MOXD1: variants seen among roughly 807,000 people sequenced by gnomAD.
The protein encoded by MOXD1 is monooxygenase DBH like 1.
A neutral mutation model predicts 66.6 loss-of-function variants in MOXD1; 62 were observed. The observed-to-expected ratio is 0.93, with a 90% CI of 0.76 to 1.15. The LOEUF is 1.15. Ranked by LOEUF, MOXD1 falls within the 50% of genes most tolerant of loss-of-function variation. MOXD1 has a pLI of 0.00. For synonymous variants in MOXD1, 303 were observed against 281.9 expected, an observed-to-expected ratio of 1.07 and a Z score of -0.75; for missense variants, 847 against 754.6, an observed-to-expected ratio of 1.12 and a Z score of -1.44.
At chr6:132,330,569 T>A (rs1344705046) in intron 4 of MOXD1, among the ~76,000 whole-genome samples, 1 of 152,110 alleles carries the variant, frequency 6.6e-6, no homozygotes, top group Admixed American at 6.5e-5. Context: ...CCCCTCAGAG[T>A]TCTTGGAATC....
chr6:132,363,994 C>T (rs1267768513), intron 4 of MOXD1, among the ~76,000 whole-genome samples: 2 of 151,820 alleles, frequency 1.3e-5, no homozygotes, highest in African/African-American at 4.8e-5. Flanking sequence ...AACTTTTGTA[C>T]TACCTGAAAA....
chr6:132,328,864 A>T (rs941853738), intron 4 of MOXD1, among the ~76,000 whole-genome samples: 1 of 152,086 alleles, frequency 6.6e-6, no homozygotes, highest in African/African-American at 2.4e-5. Flanking sequence ...TTGGTTGTTA[A>T]TTCACTGTCC....
rs186189822 is a variant in MOXD1 at position 132,388,516 on chromosome 6, C to T, written c.264+12647G>A. On this transcript the variant is annotated intron_variant, in intron 1 of 11. Coordinates refer to ENST00000367963, the MANE Select transcript of MOXD1 (RefSeq NM_015529.4). ...GTCATCAACTTGCAAATGTTCCTTCCATACTCTAATAAGATACTAATTATC... is the reference window on the plus strand; with the variant it reads ...GTCATCAACTTGCAAATGTTCCTTCTATACTCTAATAAGATACTAATTATC... Among the ~76,000 whole-genome samples the T allele has an allele frequency of 5.4e-4, 82 of 151,480 alleles. 3 individuals carry two copies. The highest frequency in any genetic ancestry group is 1.2e-3 in the Non-Finnish European group (78 of 67,684).
At chr6:132,366,467 C>T (rs1390106209) in intron 4 of MOXD1, among the ~76,000 whole-genome samples, 2 of 151,856 alleles carry the variant, frequency 1.3e-5, no homozygotes, top group African/African-American at 2.4e-5. Flanking sequence ...CAAATGCAGG[C>T]TGACAACAAA....
chr6:132,300,006 T>G (rs1774496721), intron 10 of MOXD1, among the ~76,000 whole-genome samples: 1 of 152,134 alleles, frequency 6.6e-6, no homozygotes, highest in South Asian at 2.1e-4. Context: ...AAAGATAATT[T>G]TTTATGTCTA....
chr6:132,328,287 T>G, intron 5 of MOXD1, 128 bp downstream of exon 5: 2 of 1,301,720 alleles, frequency 1.5e-6, no homozygotes, highest in Non-Finnish European at 2.1e-6. Context: ...CCTACGAAAA[T>G]GGAGTTAAGC....
intron 4 of MOXD1, among the ~76,000 whole-genome samples, chr6:132,350,155 T>C (rs1410002145): frequency 1.3e-5 from 2 of 152,252 alleles, no homozygotes; most frequent in East Asian, 3.8e-4. Context: ...TATCTTTGTT[T>C]TTATTGCATT....
Position 132,349,436 on chromosome 6 carries a change from CATATATATATATAT to C in MOXD1, c.664-20856_664-20843del, listed in dbSNP as rs1306974766. 4.6e-4 allele frequency among the ~76,000 whole-genome samples: 8 copies of C among 17,320 alleles called. 1 individual carries two copies. Among genetic ancestry groups the C allele is most frequent in the South Asian group, 7.3e-3 (2 of 274 alleles). 11.4% of individuals were successfully genotyped at this position (17,320 alleles called of 152,430 possible). On this transcript the variant is annotated intron_variant, in intron 4 of 11. Transcript: ENST00000367963. ...ATATATATATACATATATATATATACATATATATATATATACATATATATATATACATATATATA... is the reference window on the plus strand; with the variant it reads ...ATATATATATACATATATATATATACACATATATATATATACATATATATA...
intron 11 of MOXD1, 70 bp downstream of exon 11, chr6:132,297,717 C>G: frequency 6.7e-7 from 1 of 1,488,342 alleles, no homozygotes; most frequent in Non-Finnish European, 8.9e-7. Flanking sequence ...TTGTCTTCTC[C>G]TTAGGTTTTC....
intron 10 of MOXD1, among the ~76,000 whole-genome samples, chr6:132,303,853 A>G (rs1256012162): frequency 3.1e-4 from 19 of 61,378 alleles, no homozygotes; most frequent in East Asian, 7.5e-4. Flanking sequence ...ATATATATAT[A>G]TATATATATA....
At chr6:132,398,954 A>AG (rs1562303801) in intron 1 of MOXD1, among the ~76,000 whole-genome samples, 4 of 151,672 alleles carry the variant, frequency 2.6e-5, no homozygotes, top group East Asian at 1.9e-4. Context: ...AAAAAAAAAA[A>AG]AGAGAATCCT....
chr6:132,367,082 G>A (rs1776164142), intron 4 of MOXD1, among the ~76,000 whole-genome samples: 1 of 152,076 alleles, frequency 6.6e-6, no homozygotes, highest in South Asian at 2.1e-4. Context: ...TCTTCCTGTA[G>A]CAATTGATGA....
intron 6 of MOXD1, among the ~76,000 whole-genome samples, chr6:132,326,554 T>A (rs1775191254): frequency 6.6e-6 from 1 of 152,110 alleles, no homozygotes; most frequent in African/African-American, 2.4e-5. Context: ...AGTTGCAATA[T>A]AAGACATATT....
rs767612310 is a variant in MOXD1, at chr6:132,315,772, T to C, written c.1371A>G (p.Gly457=). ...TKDRAEMTWG[G]LSTRSEMCLS... is the part of the protein sequence containing the mutation. ...GACACATTTCACTCCTGGTGCTTAG[T>C]CCTCCCTGAAAACAGATAGTTTATT... Residue 457 remains glycine, a synonymous_variant, in exon 10 of 12, where the codon GGA becomes GGG. Coordinates refer to ENST00000367963, the MANE Select transcript of MOXD1 (RefSeq NM_015529.4). 94 of 1,613,166 alleles carry C rather than the reference T, an allele frequency of 5.8e-5. No homozygotes were observed. Among genetic ancestry groups the C allele is most frequent in the Non-Finnish European group, 7.0e-5 (82 of 1,179,568 alleles).
intron 4 of MOXD1, among the ~76,000 whole-genome samples, chr6:132,331,406 A>C (rs746997110): frequency 6.6e-6 from 1 of 152,176 alleles, no homozygotes; most frequent in Non-Finnish European, 1.5e-5. Flanking sequence ...AAGTAGAGGA[A>C]GAGGGAGTGA....
At chr6:132,370,759 A>G (rs1776247933) in intron 4 of MOXD1, among the ~76,000 whole-genome samples, 1 of 152,132 alleles carries the variant, frequency 6.6e-6, no homozygotes, top group Non-Finnish European at 1.5e-5. Flanking sequence ...GTTAATGCAA[A>G]TGTCTAGTGA....
At chr6:132,328,283 A>C in intron 5 of MOXD1, 132 bp downstream of exon 5, 1 of 1,290,534 alleles carries the variant, frequency 7.7e-7, no homozygotes, top group Non-Finnish European at 1.1e-6. Flanking sequence ...CCTTCCTACG[A>C]AAATGGAGTT....
intron 10 of MOXD1, among the ~76,000 whole-genome samples, chr6:132,311,414 TTATAA>T (rs1341616386): frequency 1.3e-5 from 2 of 151,476 alleles, no homozygotes; most frequent in Admixed American, 6.6e-5. Context: ...AATATAATAA[TTATAA>T]TATAAATAAT....
chr6:132,399,792 A>G (rs1346753708), intron 1 of MOXD1, among the ~76,000 whole-genome samples: 1 of 152,222 alleles, frequency 6.6e-6, no homozygotes, highest in Non-Finnish European at 1.5e-5. Flanking sequence ...AAAAAACGTT[A>G]AATAGGTATT....
Sources: allele counts gnomAD v4.1 joint callset (sites outside exome capture counted in the v4.1 genomes callset), GRCh38; gene constraint gnomAD v4.1.1; transcripts MANE v1.5; gene names NCBI Gene and HGNC (gene_info 2026-07-23, HGNC 2026-07-21).